The following GAB1 variants were observed in gnomAD, a reference collection of about 807,000 sequenced individuals.
GAB1 encodes the protein GRB2-associated-binding protein 1.
In GAB1, 19 loss-of-function variants were observed where a neutral mutation model predicts 66.5. That is an observed-to-expected ratio of 0.29 (90% CI 0.20 to 0.42). The LOEUF (loss-of-function observed/expected upper bound fraction) is 0.42. Ranked by LOEUF, GAB1 falls within the 10% of genes least tolerant of loss-of-function variation. The pLI, the probability that GAB1 is intolerant of heterozygous loss-of-function variation, is 1.00. For synonymous variants in GAB1, 294 were observed against 301.4 expected (o/e 0.98, Z 0.25); for missense variants, 732 against 858.5 (o/e 0.85, Z 1.84).
chr4:143,357,131 C>T (rs1377205353), intron 1 of GAB1, among the ~76,000 whole-genome samples: 3 of 152,128 alleles, frequency 2.0e-5, no homozygotes, highest in Non-Finnish European at 2.9e-5. Context: ...AGCTGGAGAA[C>T]CTCTTCTGCA....
At chr4:143,401,191 C>T (rs1362694860) in intron 1 of GAB1, among the ~76,000 whole-genome samples, 1 of 152,032 alleles carries the variant, frequency 6.6e-6, no homozygotes, top group Non-Finnish European at 1.5e-5. Flanking sequence ...CTTGAATTGC[C>T]TAGGAGTTAA....
chr4:143,349,886 A>G, intron 1 of GAB1: 1 of 1,574,264 alleles, frequency 6.4e-7, no homozygotes, highest in Non-Finnish European at 8.6e-7. Flanking sequence ...ATGATCTCTG[A>G]TTCCTTAATG....
chr4:143,347,800 C>G (rs1380143440), intron 1 of GAB1, among the ~76,000 whole-genome samples: 1 of 152,222 alleles, frequency 6.6e-6, no homozygotes, highest in African/African-American at 2.4e-5. Context: ...AGGCATTTCA[C>G]CAGCACCTTA....
intron 1 of GAB1, among the ~76,000 whole-genome samples, chr4:143,340,105 T>C (rs1271876748): frequency 2.0e-5 from 3 of 152,168 alleles, no homozygotes; most frequent in Admixed American, 6.5e-5. Context: ...TCCCAGATTA[T>C]TGATCTTTTG....
At position 143,433,654 on chromosome 4, in the gene GAB1, G is replaced by A. The variant is rs890889190; in HGVS notation, c.531G>A (p.Gln177=). Reference sequence around the variant, plus strand: ...CACACCTGGAAACTCTTGGCATTCAGGAGGATCCTCAAGACTACCTGTTGC... The same window carrying A: ...CACACCTGGAAACTCTTGGCATTCAAGAGGATCCTCAAGACTACCTGTTGC... ...VPPHLETLGI[Q]EDPQDYLLLI... The change falls in exon 3 of 10, where the codon CAG becomes CAA. Residue 177 remains glutamine (Q), a synonymous_variant. Coordinates refer to ENST00000262994, the MANE Select transcript of GAB1 (RefSeq NM_002039.4). 3 of 1,613,840 alleles carry A rather than the reference G, an allele frequency of 1.9e-6. No individual in the cohort carries two copies. Among genetic ancestry groups the A allele is most frequent in the Admixed American group, 3.3e-5 (2 of 59,948 alleles).
At chr4:143,433,829 C>A in intron 3 of GAB1, 113 bp downstream of exon 3, 1 of 818,400 alleles carries the variant, frequency 1.2e-6, no homozygotes, top group Non-Finnish European at 2.0e-6. Context: ...TGAAAGAGAC[C>A]ATCTGTATAG....
chr4:143,363,652 A>G (rs1729753006), intron 1 of GAB1, among the ~76,000 whole-genome samples: 1 of 152,298 alleles, frequency 6.6e-6, no homozygotes, highest in African/African-American at 2.4e-5. Context: ...AATTTGCAGA[A>G]TCTTTACCTT....
At position 143,466,111 on chromosome 4, in the gene GAB1, T is replaced by G. The variant is rs774496541; in HGVS notation, c.1812T>G (p.Phe604Leu). ...PNLSSEDPNLFGSNSLDGGSS... is the reference protein window; with the variant it reads ...PNLSSEDPNLLGSNSLDGGSS... The stretch of plus-strand genomic sequence containing the variant: ...TTGTCTAATACTTTCAGAATCTCTT[T>G]GGCAGTAACAGTCTTGATGGAGGAA... Residue 604 changes from phenylalanine (F) to leucine (L), a missense_variant, in exon 9 of 10, where the codon TTT (phenylalanine) becomes TTG (leucine). This residue lies in a region of GAB1 where 204 missense variants were observed against 276.8 expected (regional missense o/e 0.74). Transcript: ENST00000262994. 6.8e-6 allele frequency: 11 copies of G among 1,613,562 alleles called. No homozygotes were observed. In the South Asian group the frequency reaches 9.9e-5, roughly 14 times the overall value.
intron 4 of GAB1, among the ~76,000 whole-genome samples, chr4:143,439,018 ATATAAGCAGTTTT>A (rs1734088060): frequency 1.3e-5 from 2 of 152,116 alleles, no homozygotes; most frequent in Admixed American, 6.5e-5. Context: ...CTTCCTTCCT[ATATAAGCAGTTTT>A]TATGTTGTGT....
At position 143,438,432 on chromosome 4, in the gene GAB1, C is replaced by T. The variant is rs758423403; in HGVS notation, c.1027C>T (p.Pro343Ser). 1.2e-6 allele frequency: 2 copies of T among 1,614,090 alleles called. No individual in the cohort carries two copies. The highest frequency in any genetic ancestry group is 1.1e-5 in the South Asian group (1 of 91,072). Reference sequence around the variant, plus strand: ...AGACACTATTCCAGATATTCCTCCACCTCGGCCACCGAAACCACATCCAGC... The same window carrying T: ...AGACACTATTCCAGATATTCCTCCATCTCGGCCACCGAAACCACATCCAGC... ...KLDTIPDIPPPRPPKPHPAHD... is the reference protein window; with the variant it reads ...KLDTIPDIPPSRPPKPHPAHD... Residue 343 changes from proline to serine, a missense_variant, in exon 4 of 10, where the codon CCT (proline) becomes TCT (serine). By Grantham distance (74) the Pro-to-Ser change is moderately conservative. Transcript: ENST00000262994.
chr4:143,357,454 A>G (rs1270999316), intron 1 of GAB1, among the ~76,000 whole-genome samples: 1 of 152,188 alleles, frequency 6.6e-6, no homozygotes, highest in Non-Finnish European at 1.5e-5. Flanking sequence ...GGGTGAGAAC[A>G]TGAGGCAGCA....
intron 1 of GAB1, among the ~76,000 whole-genome samples, chr4:143,360,645 G>A (rs1471670309): frequency 2.0e-5 from 3 of 152,114 alleles, no homozygotes; most frequent in African/African-American, 4.8e-5. Context: ...AAGTTGTCTC[G>A]TGGGTTGATT....
intron 1 of GAB1, among the ~76,000 whole-genome samples, chr4:143,338,273 T>G (rs559101621): frequency 1.3e-5 from 2 of 152,216 alleles, no homozygotes; most frequent in Non-Finnish European, 2.9e-5. Flanking sequence ...CTGGATCAAA[T>G]ATTTTTCTAG....
At chr4:143,406,776 C>T (rs1379849753) in intron 1 of GAB1, among the ~76,000 whole-genome samples, 1 of 152,148 alleles carries the variant, frequency 6.6e-6, no homozygotes, top group Non-Finnish European at 1.5e-5. Flanking sequence ...TGTTTGGCTC[C>T]CAGCCAGTTT....
intron 1 of GAB1, among the ~76,000 whole-genome samples, chr4:143,403,884 A>T (rs566306175): frequency 9.9e-5 from 15 of 152,214 alleles, no homozygotes; most frequent in Non-Finnish European, 1.8e-4. Flanking sequence ...CTTGTTCTGG[A>T]AGCTTTAGAC....
intron 1 of GAB1, among the ~76,000 whole-genome samples, chr4:143,360,315 A>AT (rs1465604139): frequency 6.6e-6 from 1 of 152,020 alleles, no homozygotes; most frequent in Admixed American, 6.5e-5. Context: ...TTCTTACGTT[A>AT]TTTTTCTATT....
chr4:143,424,485 A>G (rs1019468369), intron 2 of GAB1, among the ~76,000 whole-genome samples: 2 of 152,234 alleles, frequency 1.3e-5, no homozygotes, highest in Admixed American at 6.5e-5. Context: ...CCTTTTAAAT[A>G]AATCTCTGTA....
At chr4:143,383,024 G>C (rs1039152802) in intron 1 of GAB1, among the ~76,000 whole-genome samples, 1 of 152,096 alleles carries the variant, frequency 6.6e-6, no homozygotes, top group African/African-American at 2.4e-5. Flanking sequence ...GTTTTCTGCT[G>C]TTTTCTCAGT....
intron 1 of GAB1, chr4:143,396,074 T>C: frequency 2.3e-6 from 1 of 439,490 alleles, no homozygotes; most frequent in South Asian, 1.6e-5. Flanking sequence ...TGGGGAAAGT[T>C]GAAGATCTGA....
Sources: allele counts gnomAD v4.1 joint callset (sites outside exome capture counted in the v4.1 genomes callset), GRCh38; gene constraint gnomAD v4.1.1; regional missense constraint gnomAD v4.1.1; transcripts MANE v1.5; gene names NCBI Gene and HGNC (gene_info 2026-07-23, HGNC 2026-07-21).